Variants in ACYP1 observed in about 807,000 individuals in gnomAD.
ACYP1 encodes acylphosphatase 1, also known as acylphosphatase-1.
In ACYP1, 8 loss-of-function variants were observed where a neutral mutation model predicts 10.4. The ratio of observed to expected loss-of-function variants is 0.77; its 90% CI spans 0.45 to 1.38. The LOEUF (loss-of-function observed/expected upper bound fraction) is 1.38, where lower values mean the gene tolerates loss of function less well. Ranked by LOEUF, ACYP1 falls within the 40% of genes most tolerant of loss-of-function variation. The pLI, the probability that ACYP1 is intolerant of heterozygous loss-of-function variation, is 0.00. For synonymous variants in ACYP1, 38 were observed against 40.8 expected (o/e 0.93, Z 0.26); for missense variants, 93 against 117.3 (o/e 0.79, Z 0.96).
chr14:75,066,546 A>G (rs1893145203), upstream of ACYP1, among the ~76,000 whole-genome samples: 1 of 152,182 alleles, frequency 6.6e-6, no homozygotes. Context: ...GTAAAGGAAG[A>G]GTCATATATG....
At chr14:75,060,317 C>A (rs1892986218) in intron 2 of ACYP1, 2 of 641,498 alleles carry the variant, frequency 3.1e-6, no homozygotes, top group Admixed American at 5.1e-5. Context: ...ACTAGGATGG[C>A]TAACATAAAA....
chr14:75,069,401 T>C (rs1400453346), exon 1 of ACYP1: 1 of 877,942 alleles, frequency 1.1e-6, no homozygotes. Context: ...AGTTCTTCTT[T>C]GAAGGAGCTC....
At chr14:75,063,677 C>G (rs1749647942) in intron 1 of ACYP1, 116 bp from the exon 2 acceptor site, 1 of 834,510 alleles carries the variant, frequency 1.2e-6, no homozygotes, top group African/African-American at 1.7e-5. Context: ...GACCTCTCCC[C>G]GACTTCAAGG....
rs995834208 is a variant in ACYP1 at position 75,063,968 on chromosome 14, C to G, written c.-23G>C. 10 of 997,474 alleles carry G rather than the reference C, an allele frequency of 1.0e-5. No homozygotes were observed. The highest frequency in any genetic ancestry group is 1.2e-5 in the Non-Finnish European group (10 of 836,620). 61.8% of individuals were successfully genotyped at this position (997,474 alleles called of 1,614,324 possible). A position where few individuals can be genotyped will look rare whatever the true frequency, so the allele number is the denominator to read the frequency against. ...TGGCGGCTCACCCTCCTTGTCTTCC[C>G]CACCGGCTGCCAGGATCACTCCGGG... On this transcript the variant is annotated 5_prime_UTR_variant, in exon 1 of 3. Coordinates refer to ENST00000238618, the MANE Select transcript of ACYP1 (RefSeq NM_001107.5).
chr14:75,065,193 A>G (rs1893122427), upstream of ACYP1, among the ~76,000 whole-genome samples: 1 of 152,266 alleles, frequency 6.6e-6, no homozygotes, highest in Non-Finnish European at 1.5e-5. Flanking sequence ...ATGTGTGTGA[A>G]GGAAAACTGT....
intron 2 of ACYP1, among the ~76,000 whole-genome samples, chr14:75,058,918 G>A (rs769962463): frequency 2.3e-4 from 35 of 152,214 alleles, no homozygotes; most frequent in Non-Finnish European, 4.7e-4. Flanking sequence ...AAACATAGGC[G>A]GCTGGGCGCG....
chr14:75,062,352 G>A (rs890269041), intron 2 of ACYP1, among the ~76,000 whole-genome samples: 1 of 151,190 alleles, frequency 6.6e-6, no homozygotes, highest in African/African-American at 2.4e-5. Context: ...GATCATTTGA[G>A]CCTGGGAGGT....
chr14:75,069,462 C>G, exon 1 of ACYP1: 1 of 535,988 alleles, frequency 1.9e-6, no homozygotes, highest in South Asian at 2.9e-5. Flanking sequence ...AGGGCTGGAC[C>G]GAGCTGCAGA....
At chr14:75,067,182 TACACACACAC>T (rs60274425), upstream of ACYP1, among the ~76,000 whole-genome samples, 7,949 of 147,282 alleles carry the variant, frequency 0.054, 312 homozygotes, top group African/African-American at 0.12. Context: ...TGTCTGGAAC[TACACACACAC>T]ACACACACAC....
chr14:75,069,219 G>T (rs762162750), exon 1 of ACYP1: 1 of 1,510,976 alleles, frequency 6.6e-7, no homozygotes, highest in Non-Finnish European at 8.8e-7. Flanking sequence ...CCTGGGGCCC[G>T]CCCAGCGCAG....
intron 2 of ACYP1, among the ~76,000 whole-genome samples, chr14:75,057,989 G>A (rs55831239): frequency 0.6 from 53,519 of 88,796 alleles, 14,491 homozygotes; most frequent in East Asian, 0.87. Context: ...AAAAAAAAAA[G>A]AACTACCTGC....
At chr14:75,056,684 T>C (rs1041799569) in intron 2 of ACYP1, among the ~76,000 whole-genome samples, 1 of 151,492 alleles carries the variant, frequency 6.6e-6, no homozygotes, top group African/African-American at 2.4e-5. Flanking sequence ...TTGTATACCA[T>C]GACAAACTAG....
chr14:75,059,176 T>C (rs1480336568), intron 2 of ACYP1, among the ~76,000 whole-genome samples: 1 of 97,374 alleles, frequency 1.0e-5, no homozygotes. Flanking sequence ...GACTCTGTCT[T>C]AAAAAAAAAA....
At chr14:75,059,070 C>T (rs1017430153) in intron 2 of ACYP1, among the ~76,000 whole-genome samples, 2 of 148,890 alleles carry the variant, frequency 1.3e-5, no homozygotes, top group Admixed American at 6.8e-5. Flanking sequence ...TGATATAGCA[C>T]ACCTGTAATC....
chr14:75,069,260 C>A, exon 1 of ACYP1: 1 of 1,472,518 alleles, frequency 6.8e-7, no homozygotes, highest in Admixed American at 2.7e-5. Flanking sequence ...CAGCAGCAGC[C>A]CCGCTCCCGC....
At chr14:75,066,838 C>G (rs1224338862), upstream of ACYP1, among the ~76,000 whole-genome samples, 1 of 151,962 alleles carries the variant, frequency 6.6e-6, no homozygotes, top group Non-Finnish European at 1.5e-5. Context: ...GATGACAGAG[C>G]AAGACTGTCT....
At chr14:75,062,659 C>CAAA (rs534860020) in intron 2 of ACYP1, among the ~76,000 whole-genome samples, 206 of 103,268 alleles carry the variant, frequency 2.0e-3, no homozygotes, top group East Asian at 4.1e-3. Context: ...ACTAAAAATA[C>CAAA]AAAAAAAAAA....
chr14:75,066,562 C>T (rs1489068906), upstream of ACYP1, among the ~76,000 whole-genome samples: 1 of 152,138 alleles, frequency 6.6e-6, no homozygotes, highest in African/African-American at 2.4e-5. Context: ...ATATGAGAGA[C>T]ATTGCAGAAG....
chr14:75,069,385 A>C, exon 1 of ACYP1: 1 of 1,009,530 alleles, frequency 9.9e-7, no homozygotes, highest in Non-Finnish European at 1.4e-6. Context: ...TTCTCAGAAA[A>C]GTACAAGTTC....
Sources: gnomAD v4.1 joint callset for allele counts (sites outside exome capture counted in the v4.1 genomes callset) on GRCh38, gnomAD v4.1.1 for gene constraint, MANE v1.5 for transcripts, NCBI Gene and HGNC (gene_info 2026-07-23, HGNC 2026-07-21) for gene names.